LPP: variants seen among roughly 807,000 people sequenced by gnomAD.
LPP encodes the protein LIM domain containing preferred translocation partner in lipoma.
LPP carries 38 observed loss-of-function variants against 60.4 expected under a neutral mutation model. The observed-to-expected ratio is 0.63, with a 90% CI of 0.49 to 0.83. The LOEUF (loss-of-function observed/expected upper bound fraction) is 0.83, where lower values mean the gene tolerates loss of function less well. Ranked by LOEUF, LPP falls within the 40% of genes least tolerant of loss-of-function variation. The pLI is 0.00. For missense variants in LPP, 902 were observed against 783.6 expected, an observed-to-expected ratio of 1.15 and a Z score of -1.80; for synonymous variants, 328 against 290.8, an observed-to-expected ratio of 1.13 and a Z score of -1.30.
chr3:188,331,384 A>G (rs1055018350), intron 2 of LPP, among the ~76,000 whole-genome samples: 1 of 152,126 alleles, frequency 6.6e-6, no homozygotes, highest in African/African-American at 2.4e-5. Context: ...CTCCACTTGA[A>G]CTTTTGCAGC....
At chr3:188,733,915 G>C (rs1386679533) in intron 8 of LPP, among the ~76,000 whole-genome samples, 2 of 152,048 alleles carry the variant, frequency 1.3e-5, no homozygotes, top group East Asian at 3.8e-4. Context: ...TAAAATATCT[G>C]TCTTGTCCAT....
At chr3:188,190,582 A>T (rs1727893427) in intron 1 of LPP, among the ~76,000 whole-genome samples, 1 of 152,238 alleles carries the variant, frequency 6.6e-6, no homozygotes, top group Non-Finnish European at 1.5e-5. Context: ...CTTGCATTCT[A>T]GGAGGCAAGA....
At chr3:188,316,219 A>G (rs1306601708) in intron 2 of LPP, among the ~76,000 whole-genome samples, 1 of 152,236 alleles carries the variant, frequency 6.6e-6, no homozygotes, top group African/African-American at 2.4e-5. Context: ...CGGAGGTTGC[A>G]GTGAGCCAGG....
chr3:188,834,185 G>A (rs1031183657), intron 9 of LPP, among the ~76,000 whole-genome samples: 1 of 152,028 alleles, frequency 6.6e-6, no homozygotes, highest in Non-Finnish European at 1.5e-5. Flanking sequence ...CTATTCTCCT[G>A]CCAGCATGAT....
chr3:188,298,936 G>C (rs1351663404), intron 2 of LPP, among the ~76,000 whole-genome samples: 2 of 152,130 alleles, frequency 1.3e-5, no homozygotes, highest in East Asian at 3.9e-4. Flanking sequence ...TATTCTATAG[G>C]CTTCAGCCTT....
At chr3:188,593,540 T>A (rs1027423270) in intron 6 of LPP, among the ~76,000 whole-genome samples, 3 of 152,132 alleles carry the variant, frequency 2.0e-5, no homozygotes, top group Admixed American at 1.3e-4. Context: ...GGTGCACCCA[T>A]CACCTGAGCA....
chr3:188,456,357 C>T (rs1405926442), intron 4 of LPP, among the ~76,000 whole-genome samples: 1 of 152,144 alleles, frequency 6.6e-6, no homozygotes, highest in Non-Finnish European at 1.5e-5. Context: ...GCTATGGGGA[C>T]ACAGCAGTTT....
intron 6 of LPP, among the ~76,000 whole-genome samples, chr3:188,528,365 C>T (rs1821239940): frequency 6.6e-6 from 1 of 151,764 alleles, no homozygotes; most frequent in South Asian, 2.1e-4. Flanking sequence ...ACGGAGCTTT[C>T]ATTTAAATCT....
intron 4 of LPP, among the ~76,000 whole-genome samples, chr3:188,407,590 C>A (rs916366536): frequency 1.3e-5 from 2 of 152,104 alleles, no homozygotes; most frequent in African/African-American, 2.4e-5. Flanking sequence ...TGTAGCACTC[C>A]ATGATGTTTT....
At chr3:188,201,972 C>T (rs1731211679) in intron 1 of LPP, among the ~76,000 whole-genome samples, 1 of 151,544 alleles carries the variant, frequency 6.6e-6, no homozygotes, top group South Asian at 2.1e-4. Context: ...CAAGGTGAGC[C>T]AAGAGTTTAG....
At chr3:188,777,799 A>G (rs1384155523) in intron 9 of LPP, among the ~76,000 whole-genome samples, 1 of 152,220 alleles carries the variant, frequency 6.6e-6, no homozygotes, top group Admixed American at 6.5e-5. Flanking sequence ...CTTGGGTATA[A>G]CAGATTTTTA....
At chr3:188,813,933 A>T (rs900647644) in intron 9 of LPP, among the ~76,000 whole-genome samples, 3 of 152,084 alleles carry the variant, frequency 2.0e-5, no homozygotes, top group Non-Finnish European at 4.4e-5. Flanking sequence ...TTAGGTAGGT[A>T]TGGTGGTGCA....
chr3:188,862,792 A>G (rs1433003042), intron 9 of LPP, among the ~76,000 whole-genome samples: 1 of 151,882 alleles, frequency 6.6e-6, no homozygotes, highest in Non-Finnish European at 1.5e-5. Context: ...AGAAAGAAAG[A>G]AAGAAAAAGA....
At chr3:188,511,263 TCCTTCCTTTCCCTCCCTTCCCTC>T (rs1815532788) in intron 5 of LPP, among the ~76,000 whole-genome samples, 1 of 54,924 alleles carries the variant, frequency 1.8e-5, no homozygotes, top group Non-Finnish European at 3.3e-5. Flanking sequence ...CTCCCTTCCC[TCCTTCCTTTCCCTCCCTTCCCTC>T]CCTTCCTTCC....
rs544766177 is a variant in LPP, at chr3:188,883,845, T to C, written c.*9366T>C. Reference sequence around the variant, plus strand: ...GGTATTGCCGAAAACTCATTATTTCTAGTTAGTTCATCTGTGGAAAAGGAT... The same window carrying C: ...GGTATTGCCGAAAACTCATTATTTCCAGTTAGTTCATCTGTGGAAAAGGAT... On this transcript the variant is annotated 3_prime_UTR_variant, in exon 12 of 12. Transcript: ENST00000617246. 3.7e-5 allele frequency: 8 copies of C among 218,066 alleles called. No homozygotes were observed. The highest frequency in any genetic ancestry group is 1.2e-4 in the Admixed American group (2 of 17,252). The allele number at this position is 218,066 out of a possible 1,614,324, so 13.5% of individuals were successfully genotyped here. A position where few individuals can be genotyped will look rare whatever the true frequency, so the allele number is the denominator to read the frequency against.
chr3:188,574,332 C>A (rs948980101), intron 6 of LPP, among the ~76,000 whole-genome samples: 2 of 152,128 alleles, frequency 1.3e-5, no homozygotes, highest in African/African-American at 4.8e-5. Context: ...TGTAAAATAC[C>A]TTTCACTGCC....
intron 5 of LPP, among the ~76,000 whole-genome samples, chr3:188,504,301 T>A (rs759269380): frequency 1.3e-5 from 2 of 152,148 alleles, no homozygotes; most frequent in African/African-American, 2.4e-5. Flanking sequence ...TTTTCTGTAT[T>A]GATATTCCCA....
At chr3:188,490,341 T>C (rs1319949128) in intron 5 of LPP, among the ~76,000 whole-genome samples, 3 of 152,196 alleles carry the variant, frequency 2.0e-5, no homozygotes, top group Non-Finnish European at 4.4e-5. Flanking sequence ...TGAGCATCTA[T>C]TCTTGTGAAA....
intron 8 of LPP, 131 bp downstream of exon 8, chr3:188,708,524 C>T (rs1413488149): frequency 1.5e-5 from 18 of 1,174,380 alleles, no homozygotes; most frequent in South Asian, 1.2e-4. Flanking sequence ...ATATACATCC[C>T]CGCACAACTA....
Sources: gnomAD v4.1 joint callset for allele counts (sites outside exome capture counted in the v4.1 genomes callset) on GRCh38, gnomAD v4.1.1 for gene constraint, MANE v1.5 for transcripts, NCBI Gene and HGNC (gene_info 2026-07-23, HGNC 2026-07-21) for gene names.